The following STAT4 variants were observed in gnomAD, a reference collection of about 807,000 sequenced individuals.
STAT4 encodes the protein signal transducer and activator of transcription 4.
Under a neutral mutation model 110.5 loss-of-function variants are expected in STAT4, and 42 were observed. The ratio of observed to expected loss-of-function variants is 0.38; its 90% CI spans 0.30 to 0.49. The LOEUF is 0.49. STAT4 is among the 20% of genes least tolerant of loss of function. The probability of loss-of-function intolerance (pLI) is 0.95; values close to 1 mark genes in which losing one functional copy is unlikely to be tolerated. For missense variants in STAT4, 632 were observed against 887.9 expected (o/e 0.71, Z 3.66); for synonymous variants, 284 against 302.2 (o/e 0.94, Z 0.63).
chr2:191,134,674 T>C (rs865802488), intron 3 of STAT4, among the ~76,000 whole-genome samples: 5 of 152,158 alleles, frequency 3.3e-5, no homozygotes, highest in East Asian at 3.8e-4. Context: ...ATCAAGATCA[T>C]AGGACAAAAG....
At position 191,029,894 on chromosome 2, in the gene STAT4, G is replaced by C; in HGVS notation, c.2221-28C>G. The C allele has an allele frequency of 1.9e-6, 3 of 1,553,260 alleles. No homozygotes were observed. The highest frequency in any genetic ancestry group is 2.6e-6 in the Non-Finnish European group (3 of 1,138,860). On this transcript the variant is annotated intron_variant, in intron 23 of 23. Coordinates refer to ENST00000392320, the MANE Select transcript of STAT4 (RefSeq NM_003151.4). This position sits in a 1 kb window ranked among gnomAD's most constrained non-coding sequence, Gnocchi z 4.5. ...AAAATTAAAAATGAAAATAATCTTT[G>C]AGGAAACTACTGGTTTTCAAATCAA...
Position 191,042,446 on chromosome 2 carries a change from T to C in STAT4, c.1252-1298A>G, listed in dbSNP as rs1696229811. Reference sequence around the variant, plus strand: ...AGATCAACCGTTTGTAATGGGAAGATAGTGCTTAGATACTGATTTGAACAA... The same window carrying C: ...AGATCAACCGTTTGTAATGGGAAGACAGTGCTTAGATACTGATTTGAACAA... On this transcript the variant is annotated intron_variant, in intron 14 of 23. Coordinates refer to ENST00000392320, the MANE Select transcript of STAT4 (RefSeq NM_003151.4). The surrounding 1 kb of genome is among the most constrained non-coding windows in gnomAD (Gnocchi z 4.2). Among the ~76,000 whole-genome samples the C allele has an allele frequency of 1.3e-5, 2 of 152,330 alleles. No homozygotes were observed. Among genetic ancestry groups the C allele is most frequent in the Middle Eastern group, 3.4e-3 (1 of 294 alleles).
intron 3 of STAT4, among the ~76,000 whole-genome samples, chr2:191,109,717 G>A (rs139828967): frequency 6.6e-6 from 1 of 152,224 alleles, no homozygotes; most frequent in African/African-American, 2.4e-5. Flanking sequence ...TATTCCAGTG[G>A]TACTTAGAAT....
At chr2:191,129,424 G>GA (rs1289042850) in intron 3 of STAT4, among the ~76,000 whole-genome samples, 1 of 151,832 alleles carries the variant, frequency 6.6e-6, no homozygotes, top group Non-Finnish European at 1.5e-5. Flanking sequence ...CCCCATCTCT[G>GA]AAAAAAGAAA....
intron 3 of STAT4, among the ~76,000 whole-genome samples, chr2:191,139,338 C>A (rs1158773081): frequency 6.6e-6 from 1 of 152,040 alleles, no homozygotes; most frequent in African/African-American, 2.4e-5. Context: ...TAATCGTATA[C>A]CTAGAAAACT....
rs1699382163 is a variant in STAT4, at chr2:191,143,304, G to A, written c.273+3309C>T. Reference sequence around the variant, plus strand: ...TTATCTCCATACTCCTAACATTTCTGTGAGGAAAGTACCAGTGTGATTGCC... The same window carrying A: ...TTATCTCCATACTCCTAACATTTCTATGAGGAAAGTACCAGTGTGATTGCC... On this transcript the variant is annotated intron_variant, in intron 3 of 23. Transcript: ENST00000392320. The surrounding 1 kb of genome is among the most constrained non-coding windows in gnomAD (Gnocchi z 5.6). Among the ~76,000 whole-genome samples the A allele has an allele frequency of 1.3e-5, 2 of 152,150 alleles. No homozygotes were observed. The highest frequency in any genetic ancestry group is 2.4e-5 in the African/African-American group (1 of 41,420).
chr2:191,038,447 C>T lies in STAT4; in HGVS notation c.1434+752G>A, dbSNP rs117341958. 4.7e-3 allele frequency among the ~76,000 whole-genome samples: 709 copies of T among 152,294 alleles called. 6 individuals carry two copies. Among genetic ancestry groups the T allele is most frequent in the Middle Eastern group, 0.031 (9 of 294 alleles). ...TACTGGGATCTAAAGTAGAAGAATT[C>T]TTCCCTTTGGAGGGAACATTTGCTC... On this transcript the variant is annotated intron_variant, in intron 16 of 23. Transcript: ENST00000392320.
intron 14 of STAT4, among the ~76,000 whole-genome samples, chr2:191,045,885 G>T (rs1401745590): frequency 6.6e-6 from 1 of 152,158 alleles, no homozygotes; most frequent in African/African-American, 2.4e-5. Flanking sequence ...AGTACTCCCA[G>T]CACGTCAACA....
chr2:191,135,909 CA>C lies in STAT4; in HGVS notation c.273+10703del. Among the ~76,000 whole-genome samples the C allele has an allele frequency of 6.7e-6, 1 of 149,974 alleles. No homozygotes were observed. The highest frequency in any genetic ancestry group is 2.0e-4 in the East Asian group (1 of 4,980). Reference sequence around the variant, plus strand: ...CTGGTACCAAAACCAGACAAGGACACAACACAAAGAGACAACTACAGGCCAA... The same window carrying C: ...CTGGTACCAAAACCAGACAAGGACACACACAAAGAGACAACTACAGGCCAA... On this transcript the variant is annotated intron_variant, in intron 3 of 23. Transcript: ENST00000392320. This position sits in a 1 kb window ranked among gnomAD's most constrained non-coding sequence, Gnocchi z 4.8.
chr2:191,044,217 G>A (rs1265738258), intron 14 of STAT4, among the ~76,000 whole-genome samples: 1 of 152,160 alleles, frequency 6.6e-6, no homozygotes, highest in Admixed American at 6.5e-5. Flanking sequence ...AAGGACCCAT[G>A]AATGGCTGGC....
rs1259104956 is a variant in STAT4, at chr2:191,032,645, A to G, written c.2044+313T>C. On this transcript the variant is annotated intron_variant, in intron 21 of 23. Transcript: ENST00000392320. This position sits in a 1 kb window ranked among gnomAD's most constrained non-coding sequence, Gnocchi z 4.9. Reference sequence around the variant, plus strand: ...CTTTTCCTTTCCCTCAGTCATAGACATGAAGCCTGCACCACTTCTGTCTTA... The same window carrying G: ...CTTTTCCTTTCCCTCAGTCATAGACGTGAAGCCTGCACCACTTCTGTCTTA... 6.6e-6 allele frequency among the ~76,000 whole-genome samples: 1 copy of G among 152,206 alleles called. No individual in the cohort carries two copies. Among genetic ancestry groups the G allele is most frequent in the Non-Finnish European group, 1.5e-5 (1 of 68,038 alleles).
chr2:191,054,983 GGAA>G (rs1220450915), intron 13 of STAT4, among the ~76,000 whole-genome samples: 2 of 151,910 alleles, frequency 1.3e-5, no homozygotes, highest in Non-Finnish European at 2.9e-5. Context: ...ACATTACAGG[GGAA>G]GAAGACTTAC....
chr2:191,115,833 G>A (rs1388211742), intron 3 of STAT4, among the ~76,000 whole-genome samples: 1 of 152,110 alleles, frequency 6.6e-6, no homozygotes, highest in East Asian at 1.9e-4. Flanking sequence ...GTTATGCCAG[G>A]ATTATATTCA....
chr2:191,091,842 T>C lies in STAT4; in HGVS notation c.274-15517A>G, dbSNP rs993424776. Among the ~76,000 whole-genome samples the C allele has an allele frequency of 6.6e-6, 1 of 152,170 alleles. No individual in the cohort carries two copies. The highest frequency in any genetic ancestry group is 1.5e-5 in the Non-Finnish European group (1 of 68,032). On this transcript the variant is annotated intron_variant, in intron 3 of 23. Coordinates refer to ENST00000392320, the MANE Select transcript of STAT4 (RefSeq NM_003151.4). This position sits in a 1 kb window ranked among gnomAD's most constrained non-coding sequence, Gnocchi z 5.4. ...AGAGTGTTGACTTACTTTTAACCAA[T>C]TAACCATCAAGTTCATTGTCTCTAA...
intron 18 of STAT4, 32 bp from the exon 19 acceptor site, chr2:191,034,037 G>C: frequency 7.3e-7 from 1 of 1,371,732 alleles, no homozygotes; most frequent in South Asian, 1.2e-5. Context: ...TTAAGACAAT[G>C]ATTATTTAAG....
rs1008172601 is a variant in STAT4 at position 191,062,987 on chromosome 2, T to C, written c.783-67A>G. On this transcript the variant is annotated intron_variant, in intron 8 of 23. Coordinates refer to ENST00000392320, the MANE Select transcript of STAT4 (RefSeq NM_003151.4). The surrounding 1 kb of genome is among the most constrained non-coding windows in gnomAD (Gnocchi z 4.9). ...TAATAATAAAAAAGCATTGTAACAA[T>C]GGGTCATAGTTAATAAACATTAAAT... 3 of 1,349,398 alleles carry C rather than the reference T, an allele frequency of 2.2e-6. No homozygotes were observed. 83.6% of individuals were successfully genotyped at this position (1,349,398 alleles called of 1,614,324 possible).
At chr2:191,111,811 G>A (rs540255850) in intron 3 of STAT4, among the ~76,000 whole-genome samples, 2 of 152,310 alleles carry the variant, frequency 1.3e-5, no homozygotes, top group Admixed American at 6.5e-5. Flanking sequence ...AGTGAGCTCT[G>A]ATTGCATTAC....
chr2:191,141,533 CAT>C (rs1202139931), intron 3 of STAT4, among the ~76,000 whole-genome samples: 1 of 144,000 alleles, frequency 6.9e-6, no homozygotes, highest in African/African-American at 2.6e-5. Flanking sequence ...ATCACATATA[CAT>C]ATATGATATA....
intron 4 of STAT4, among the ~76,000 whole-genome samples, chr2:191,075,725 G>A (rs7601754): frequency 0.67 from 101,546 of 152,054 alleles, 38,958 homozygotes; most frequent in East Asian, 0.86. Context: ...AAGGAACTAC[G>A]CAAAGATGAT....
Sources: gnomAD v4.1 joint callset for allele counts (sites outside exome capture counted in the v4.1 genomes callset) on GRCh38, gnomAD v4.1.1 for gene constraint, Gnocchi (gnomAD v3.1) non-coding constraint, MANE v1.5 for transcripts, NCBI Gene and HGNC (gene_info 2026-07-23, HGNC 2026-07-21) for gene names.